The following RASAL2 variants were observed in gnomAD, a reference collection of about 807,000 sequenced individuals.
RASAL2 encodes the protein ras GTPase-activating protein nGAP.
Under a neutral mutation model 128.9 loss-of-function variants are expected in RASAL2, and 58 were observed. The ratio of observed to expected loss-of-function variants is 0.45; its 90% CI spans 0.36 to 0.56. The LOEUF (loss-of-function observed/expected upper bound fraction) is 0.56. Ranked by LOEUF, RASAL2 falls within the 20% of genes least tolerant of loss-of-function variation. The pLI is 0.00. For missense variants in RASAL2, 1,360 were observed against 1,601.6 expected (o/e 0.85, Z 2.57); for synonymous variants, 561 against 580.8 (o/e 0.97, Z 0.49).
intron 1 of RASAL2, among the ~76,000 whole-genome samples, chr1:178,162,390 A>ATG (rs1362368373): frequency 2.6e-5 from 3 of 116,386 alleles, no homozygotes; most frequent in African/African-American, 3.3e-5. Flanking sequence ...TATATATTAT[A>ATG]TATATTATAT....
At chr1:178,371,528 G>A (rs906935966) in intron 3 of RASAL2, among the ~76,000 whole-genome samples, 3 of 151,932 alleles carry the variant, frequency 2.0e-5, no homozygotes, top group Admixed American at 1.3e-4. Context: ...CATTATTGTC[G>A]ATCAGTGCAG....
At chr1:178,351,668 G>T (rs911958301) in intron 3 of RASAL2, among the ~76,000 whole-genome samples, 2 of 150,942 alleles carry the variant, frequency 1.3e-5, no homozygotes, top group Admixed American at 6.6e-5. Context: ...GGCAGAGCTT[G>T]CAGTGAGCCA....
At chr1:178,165,525 G>A (rs1661490798) in intron 1 of RASAL2, among the ~76,000 whole-genome samples, 1 of 152,062 alleles carries the variant, frequency 6.6e-6, no homozygotes, top group African/African-American at 2.4e-5. Context: ...TGTGGATTTG[G>A]GTATCCAAGG....
chr1:178,156,812 T>C (rs1024054411), intron 1 of RASAL2, among the ~76,000 whole-genome samples: 3 of 152,184 alleles, frequency 2.0e-5, no homozygotes, highest in Non-Finnish European at 4.4e-5. Context: ...TACAGTGATA[T>C]TCTTAGGTAC....
At chr1:178,471,497 C>A (rs958402018) in intron 17 of RASAL2, among the ~76,000 whole-genome samples, 1 of 152,082 alleles carries the variant, frequency 6.6e-6, no homozygotes, top group Non-Finnish European at 1.5e-5. Context: ...GCATTTTATA[C>A]CAGATGCATG....
At chr1:178,164,765 C>G (rs1045503859) in intron 1 of RASAL2, among the ~76,000 whole-genome samples, 1 of 146,884 alleles carries the variant, frequency 6.8e-6, no homozygotes, top group African/African-American at 2.5e-5. Flanking sequence ...GATTGTTTTC[C>G]ATTTCATGAG....
At chr1:178,413,225 G>T (rs544276850) in intron 4 of RASAL2, among the ~76,000 whole-genome samples, 1 of 152,302 alleles carries the variant, frequency 6.6e-6, no homozygotes, top group Admixed American at 6.5e-5. Flanking sequence ...CTCCCAAAGT[G>T]CTGGGATTAC....
intron 3 of RASAL2, among the ~76,000 whole-genome samples, chr1:178,311,062 G>T (rs778114921): frequency 3.2e-4 from 49 of 152,184 alleles, no homozygotes; most frequent in Middle Eastern, 3.4e-3. Flanking sequence ...GGAGAATCAG[G>T]TGGGAAGTAG....
rs1041795538 is a variant in RASAL2, at chr1:178,244,155, A to T, written c.203-39409A>T. Among the ~76,000 whole-genome samples the T allele has an allele frequency of 6.6e-5, 10 of 152,296 alleles. No homozygotes were observed. The South Asian group carries it at 1.9e-3, about 28-fold the overall frequency. Reference sequence around the variant, plus strand: ...CAGCAATGATCAAAAAGGTACTGGGATGGATAGTATTCAAGTGGGGATAGT... The same window carrying T: ...CAGCAATGATCAAAAAGGTACTGGGTTGGATAGTATTCAAGTGGGGATAGT... On this transcript the variant is annotated intron_variant, in intron 1 of 17. Transcript: ENST00000367649.
Position 178,475,821 on chromosome 1 carries a change from A to G in RASAL2, c.*2582A>G, listed in dbSNP as rs1339219711. 4.6e-5 allele frequency: 7 copies of G among 152,342 alleles called. No individual in the cohort carries two copies. The East Asian group carries it at 1.2e-3, about 25-fold the overall frequency. The allele number at this position is 152,342 out of a possible 1,614,324, so 9.4% of individuals were successfully genotyped here. On this transcript the variant is annotated 3_prime_UTR_variant, in exon 18 of 18. Transcript: ENST00000367649. ...TTGAATGAAGAAGAAATAGTAAAAA[A>G]TAATAATAATAGAGCATTACCAATA... is the stretch of plus-strand genomic sequence containing the variant.
intron 3 of RASAL2, among the ~76,000 whole-genome samples, chr1:178,300,783 A>C (rs1571812890): frequency 6.6e-6 from 1 of 152,242 alleles, no homozygotes; most frequent in African/African-American, 2.4e-5. Flanking sequence ...TTAATAATGG[A>C]TATTTAAATA....
intron 1 of RASAL2, among the ~76,000 whole-genome samples, chr1:178,113,191 C>T (rs1391849693): frequency 6.6e-6 from 1 of 151,998 alleles, no homozygotes; most frequent in East Asian, 1.9e-4. Context: ...CTATTCAATT[C>T]CATCGGTCTG....
At chr1:178,329,225 G>A (rs1315229152) in intron 3 of RASAL2, among the ~76,000 whole-genome samples, 1 of 152,186 alleles carries the variant, frequency 6.6e-6, no homozygotes, top group Non-Finnish European at 1.5e-5. Flanking sequence ...AAGATGTAGG[G>A]AGTGCTGTGG....
chr1:178,384,952 A>G (rs1672478252), intron 3 of RASAL2, among the ~76,000 whole-genome samples: 1 of 152,156 alleles, frequency 6.6e-6, no homozygotes, highest in South Asian at 2.1e-4. Context: ...ACGAGATTGA[A>G]CAAAAAGTAA....
intron 2 of RASAL2, among the ~76,000 whole-genome samples, chr1:178,298,268 C>G (rs1383370058): frequency 2.6e-5 from 4 of 152,116 alleles, no homozygotes; most frequent in African/African-American, 9.7e-5. Context: ...TTTTATATTA[C>G]AGAGTACTTT....
intron 1 of RASAL2, among the ~76,000 whole-genome samples, chr1:178,190,254 T>C (rs6665862): frequency 0.05 from 7,633 of 151,524 alleles, 277 homozygotes; most frequent in African/African-American, 0.095. Context: ...TTGGTTTTCT[T>C]ACGTATATGT....
intron 1 of RASAL2, among the ~76,000 whole-genome samples, chr1:178,218,622 G>A (rs960420832): frequency 6.6e-6 from 1 of 152,232 alleles, no homozygotes; most frequent in African/African-American, 2.4e-5. Context: ...TGGAGGAGGA[G>A]GTTGCAATGA....
chr1:178,193,769 A>G (rs972457049), intron 1 of RASAL2, among the ~76,000 whole-genome samples: 1 of 55,332 alleles, frequency 1.8e-5, no homozygotes, highest in Non-Finnish European at 4.1e-5. Flanking sequence ...CGAGTACTTG[A>G]CACAAAGAAT....
At chr1:178,293,117 T>C (rs1264356693) in intron 2 of RASAL2, among the ~76,000 whole-genome samples, 1 of 152,212 alleles carries the variant, frequency 6.6e-6, no homozygotes, top group East Asian at 1.9e-4. Context: ...TATGCCCTTA[T>C]ATGTTATTCA....
Sources: allele counts gnomAD v4.1 joint callset (sites outside exome capture counted in the v4.1 genomes callset), GRCh38; gene constraint gnomAD v4.1.1; transcripts MANE v1.5; gene names NCBI Gene and HGNC (gene_info 2026-07-23, HGNC 2026-07-21).